The following SNX22 variants were observed in gnomAD, a reference collection of about 807,000 sequenced individuals.
SNX22 encodes the protein sorting nexin 22, also known as sorting nexin-22.
SNX22 carries 23 observed loss-of-function variants against 24.7 expected under a neutral mutation model. That is an observed-to-expected ratio of 0.93 (90% CI 0.67 to 1.32). SNX22 has a LOEUF of 1.32. Ranked by LOEUF, SNX22 falls within the 40% of genes most tolerant of loss-of-function variation. SNX22 has a pLI of 0.00. For missense variants in SNX22, 261 were observed against 249.9 expected, an observed-to-expected ratio of 1.04 and a Z score of -0.30; for synonymous variants, 99 against 104.0, an observed-to-expected ratio of 0.95 and a Z score of 0.29.
intron 1 of SNX22, 190 bp from the exon 2 acceptor site, chr15:64,152,053 C>A: frequency 1.3e-6 from 1 of 747,352 alleles, no homozygotes; most frequent in Non-Finnish European, 2.0e-6. Flanking sequence ...GACCCCAGGG[C>A]TCCGAGGGGC....
intron 4 of SNX22, 121 bp downstream of exon 4, chr15:64,153,460 C>T: frequency 1.3e-6 from 2 of 1,518,208 alleles, no homozygotes; most frequent in Non-Finnish European, 1.8e-6. Context: ...CCCTCACCAG[C>T]TCTCTTGACC....
chr15:64,153,466 T>C lies in SNX22; in HGVS notation c.359+127T>C, dbSNP rs148354713. The C allele has an allele frequency of 8.1e-3, 12,158 of 1,496,496 alleles. 69 individuals are homozygous for C. The highest frequency in any genetic ancestry group is 0.013 in the Middle Eastern group (69 of 5,498). 92.7% of individuals were successfully genotyped at this position (1,496,496 alleles called of 1,614,324 possible). The stretch of plus-strand genomic sequence containing the variant: ...GCATGACCGCCCTCACCAGCTCTCT[T>C]GACCTGGGTGGAGGGGCTTTTTTTT... On this transcript the variant is annotated intron_variant, in intron 4 of 6. Coordinates refer to ENST00000325881, the MANE Select transcript of SNX22 (RefSeq NM_024798.3).
intron 6 of SNX22, 151 bp from the exon 7 acceptor site, chr15:64,154,236 G>A: frequency 1.3e-6 from 2 of 1,579,868 alleles, no homozygotes; most frequent in Non-Finnish European, 1.7e-6. Flanking sequence ...AAAAGAATGT[G>A]ACCTGGGAAT....
At chr15:64,154,071 C>A (rs771778612) in intron 6 of SNX22, 69 bp downstream of exon 6, 2 of 1,613,708 alleles carry the variant, frequency 1.2e-6, no homozygotes, top group Admixed American at 1.7e-5. Flanking sequence ...GCTCCTGGGA[C>A]CCTCAGACAG....
At position 64,151,831 on chromosome 15, in the gene SNX22, G is replaced by C. The variant is rs542779981; in HGVS notation, c.56G>C (p.Ser19Thr). Reference protein sequence around the residue: ...VGPEAEGPRQSPEKSHMVFRV... With the variant: ...VGPEAEGPRQTPEKSHMVFRV... ...CCCGAGGCCGAGGGGCCCAGGCAGA[G>C]CCCGGAGAAAAGCCACATGGTGAGC... is the stretch of plus-strand genomic sequence containing the variant. The change falls in exon 1 of 7, where the codon AGC becomes ACC. Residue 19 changes from serine (S) to threonine (T), a missense_variant. Ser to Thr is a moderately conservative substitution (Grantham distance 58, BLOSUM62 1). Transcript: ENST00000325881. 1 of 1,538,244 alleles carries C rather than the reference G, an allele frequency of 6.5e-7. No homozygotes were observed. The highest frequency in any genetic ancestry group is 1.2e-5 in the South Asian group (1 of 82,518).
In SNX22 at chr15:64,153,674, G is replaced by A. The variant is rs780509887; in HGVS notation, c.382G>A (p.Gly128Ser). ...NWGTLREFLPGDSSSQQHQRP... is the reference protein window; with the variant it reads ...NWGTLREFLPSDSSSQQHQRP... ...CAGCACCCTGAGGGAGTTCCTGCCT[G>A]GCGACAGCAGGCAAGTCAAAGCCCT... Residue 128 changes from glycine to serine, a missense_variant, in exon 5 of 7, where the codon GGC (glycine) becomes AGC (serine). Gly to Ser is a moderately conservative substitution (Grantham distance 56). Coordinates refer to ENST00000325881, the MANE Select transcript of SNX22 (RefSeq NM_024798.3). The A allele has an allele frequency of 1.2e-5, 19 of 1,613,952 alleles. No individual in the cohort carries two copies. In the Admixed American group the frequency reaches 2.7e-4, roughly 23 times the overall value.
chr15:64,152,487 G>C (rs747218727), intron 2 of SNX22, 151 bp from the exon 3 acceptor site: 3 of 1,195,798 alleles, frequency 2.5e-6, no homozygotes, highest in Non-Finnish European at 3.6e-6. Context: ...GGTGGGTTGG[G>C]GCCTTCCTCG....
chr15:64,152,058 A>AG (rs1457404506), intron 1 of SNX22, 185 bp from the exon 2 acceptor site: 1 of 758,076 alleles, frequency 1.3e-6, no homozygotes, highest in East Asian at 3.3e-5. Context: ...CAGGGCTCCG[A>AG]GGGGCAGGTC....
chr15:64,154,639 C>T lies in SNX22; in HGVS notation c.*131C>T, dbSNP rs1203488112. ...ACCCAGTGCCCAGTTGTGCCACATT[C>T]CCACTCAAGGCTCAGAACTTGGCTC... is the stretch of plus-strand genomic sequence containing the variant. On this transcript the variant is annotated 3_prime_UTR_variant, in exon 7 of 7. Transcript: ENST00000325881. The T allele has an allele frequency of 1.6e-6, 2 of 1,234,094 alleles. No homozygotes were observed. The highest frequency in any genetic ancestry group is 3.0e-5 in the African/African-American group (2 of 66,226). 76.4% of individuals were successfully genotyped at this position (1,234,094 alleles called of 1,614,324 possible). A position where few individuals can be genotyped will look rare whatever the true frequency, so the allele number is the denominator to read the frequency against.
rs1567345414 is a variant in SNX22, at chr15:64,156,844, A to T, written c.*2336A>T. 3 of 1,614,192 alleles carry T rather than the reference A, an allele frequency of 1.9e-6. No homozygotes were observed. Among genetic ancestry groups the T allele is most frequent in the Non-Finnish European group, 2.5e-6 (3 of 1,180,018 alleles). ...TTGCCTGCGTTGGCCATGCTCACCC[A>T]GCCAGGCCCGTAGTGCTTCAGTTTG... On this transcript the variant is annotated 3_prime_UTR_variant, in exon 7 of 7. Transcript: ENST00000325881. This position sits in a 1 kb window ranked among gnomAD's most constrained non-coding sequence, Gnocchi z 6.4.
At chr15:64,152,085 C>A in intron 1 of SNX22, 158 bp from the exon 2 acceptor site, 1 of 813,238 alleles carries the variant, frequency 1.2e-6, no homozygotes, top group Non-Finnish European at 1.8e-6. Flanking sequence ...CCGGTTCTCC[C>A]AGGTGTGCGG....
intron 1 of SNX22, 23 bp from the exon 2 acceptor site, chr15:64,152,220 C>A: frequency 1.4e-6 from 2 of 1,388,850 alleles, no homozygotes; most frequent in Non-Finnish European, 1.8e-6. Context: ...ACGCGCAGAC[C>A]CGCTGCCCGC....
At position 64,154,374 on chromosome 15, in the gene SNX22, T is replaced by G; in HGVS notation, c.461-13T>G. The G allele has an allele frequency of 6.2e-7, 1 of 1,614,110 alleles. No homozygotes were observed. Among genetic ancestry groups the G allele is most frequent in the South Asian group, 1.1e-5 (1 of 91,086 alleles). On this transcript the variant is annotated splice_polypyrimidine_tract_variant and intron_variant, in intron 6 of 6. Coordinates refer to ENST00000325881, the MANE Select transcript of SNX22 (RefSeq NM_024798.3). Reference sequence around the variant, plus strand: ...CAGGTCTGAGGCCAGACCTGTTTAATTCTATCCCACAGAGTCGCTGCCCAA... The same window carrying G: ...CAGGTCTGAGGCCAGACCTGTTTAAGTCTATCCCACAGAGTCGCTGCCCAA...
Position 64,156,399 on chromosome 15 carries a change from G to C in SNX22, c.*1891G>C. ...CAAGGGTGAGGAGGAGGAAGAGGGT[G>C]ACCAGGGCATGTGGCTTCTCAGGGA... On this transcript the variant is annotated 3_prime_UTR_variant, in exon 7 of 7. Coordinates refer to ENST00000325881, the MANE Select transcript of SNX22 (RefSeq NM_024798.3). This position sits in a 1 kb window ranked among gnomAD's most constrained non-coding sequence, Gnocchi z 6.4. 1.6e-6 allele frequency: 1 copy of C among 631,756 alleles called. No homozygotes were observed. Among genetic ancestry groups the C allele is most frequent in the Non-Finnish European group, 2.8e-6 (1 of 355,974 alleles). The allele number at this position is 631,756 out of a possible 1,614,324, so 39.1% of individuals were successfully genotyped here.
Position 64,152,621 on chromosome 15 carries a change from C to G in SNX22, c.160-17C>G. 2 of 1,610,410 alleles carry G rather than the reference C, an allele frequency of 1.2e-6. No individual in the cohort carries two copies. The highest frequency in any genetic ancestry group is 1.7e-6 in the Non-Finnish European group (2 of 1,176,818). Reference sequence around the variant, plus strand: ...TCAGTCGGGATGCTGTGATCGCACGCGGTAAACCTCCAGTAGATCAAGAAG... The same window carrying G: ...TCAGTCGGGATGCTGTGATCGCACGGGGTAAACCTCCAGTAGATCAAGAAG... On this transcript the variant is annotated splice_polypyrimidine_tract_variant and intron_variant, in intron 2 of 6. Transcript: ENST00000325881.
rs1239827519 is a variant in SNX22 at position 64,156,255 on chromosome 15, C to T, written c.*1747C>T. On this transcript the variant is annotated 3_prime_UTR_variant, in exon 7 of 7. Transcript: ENST00000325881. This position sits in a 1 kb window ranked among gnomAD's most constrained non-coding sequence, Gnocchi z 6.4. ...AGGGCTAAGACCCACAAGTGATCAACAGCACACAAAACTGGAGGCACCAAA... is the reference window on the plus strand; with the variant it reads ...AGGGCTAAGACCCACAAGTGATCAATAGCACACAAAACTGGAGGCACCAAA... 1.4e-6 allele frequency: 2 copies of T among 1,432,740 alleles called. No homozygotes were observed. The highest frequency in any genetic ancestry group is 9.6e-7 in the Non-Finnish European group (1 of 1,037,186). 88.8% of individuals were successfully genotyped at this position (1,432,740 alleles called of 1,614,324 possible).
rs951332501 is a variant in SNX22 at position 64,155,716 on chromosome 15, G to A, written c.*1208G>A. On this transcript the variant is annotated 3_prime_UTR_variant, in exon 7 of 7. Coordinates refer to ENST00000325881, the MANE Select transcript of SNX22 (RefSeq NM_024798.3). ...GTCAAAATTTCAGGCAGGATCCCAG[G>A]GAAGGGGCAGGCACCCATTGCCACA... The A allele has an allele frequency of 2.8e-5, 10 of 351,584 alleles. No individual in the cohort carries two copies. Among genetic ancestry groups the A allele is most frequent in the South Asian group, 2.8e-4 (10 of 36,158 alleles). The allele number at this position is 351,584 out of a possible 1,614,324, so 21.8% of individuals were successfully genotyped here. A position where few individuals can be genotyped will look rare whatever the true frequency, so the allele number is the denominator to read the frequency against.
chr15:64,152,216 A>G, intron 1 of SNX22, 27 bp from the exon 2 acceptor site: 2 of 1,385,714 alleles, frequency 1.4e-6, no homozygotes, highest in African/African-American at 1.5e-5. Flanking sequence ...CCTCACGCGC[A>G]GACCCGCTGC....
Position 64,156,731 on chromosome 15 carries a change from C to T in SNX22, c.*2223C>T. On this transcript the variant is annotated 3_prime_UTR_variant, in exon 7 of 7. Coordinates refer to ENST00000325881, the MANE Select transcript of SNX22 (RefSeq NM_024798.3). This position sits in a 1 kb window ranked among gnomAD's most constrained non-coding sequence, Gnocchi z 6.4. Reference sequence around the variant, plus strand: ...CCTTGCTTCCACAACTCACCATGCCCTCTAGAACTTTGCCAAACACCACAT... The same window carrying T: ...CCTTGCTTCCACAACTCACCATGCCTTCTAGAACTTTGCCAAACACCACAT... 6.2e-7 allele frequency: 1 copy of T among 1,614,184 alleles called. No homozygotes were observed.
Sources: allele counts gnomAD v4.1 joint callset, GRCh38; gene constraint gnomAD v4.1.1; non-coding constraint Gnocchi (gnomAD v3.1); transcripts MANE v1.5; gene names NCBI Gene and HGNC (gene_info 2026-07-23, HGNC 2026-07-21).